The following DNM1 variants were observed in gnomAD, a reference collection of about 807,000 sequenced individuals.
DNM1 encodes dynamin-1.
In DNM1, 29 loss-of-function variants were observed where a neutral mutation model predicts 104.6. The ratio of observed to expected loss-of-function variants is 0.28; its 90% CI spans 0.21 to 0.38. DNM1 has a LOEUF of 0.38. Ranked by LOEUF, DNM1 falls within the 10% of genes least tolerant of loss-of-function variation. The pLI, the probability that DNM1 is intolerant of heterozygous loss-of-function variation, is 1.00. For missense variants in DNM1, 640 were observed against 1,189.4 expected, an observed-to-expected ratio of 0.54 and a Z score of 6.79; for synonymous variants, 445 against 475.8, an observed-to-expected ratio of 0.94 and a Z score of 0.84.
rs748709141 is a variant in DNM1, at chr9:128,247,466, G to A, written c.1873G>A (p.Val625Met). The change falls in exon 17 of 22, where the codon GTG (valine) becomes ATG (methionine). Residue 625 changes from valine to methionine, a missense_variant. Val to Met is a conservative substitution (Grantham distance 21). Transcript: ENST00000372923. This position sits in a 1 kb window ranked among gnomAD's most constrained non-coding sequence, Gnocchi z 5.1. ...GAAGGCCTCCTTCCTGAGGGCTGGC[G>A]TGTACCCTGAGCGTGTTGGGGTGAG... ...SWKASFLRAG[V>M]YPERVGDKEK... The A allele has an allele frequency of 3.7e-6, 6 of 1,613,130 alleles. No individual in the cohort carries two copies. Among genetic ancestry groups the A allele is most frequent in the African/African-American group, 2.7e-5 (2 of 74,908 alleles).
rs1340759536 is a variant in DNM1, at chr9:128,224,712, G to A, written c.1335+323G>A. Among the ~76,000 whole-genome samples the A allele has an allele frequency of 2.0e-5, 3 of 150,874 alleles. No individual in the cohort carries two copies. The highest frequency in any genetic ancestry group is 7.3e-5 in the African/African-American group (3 of 40,850). ...GACCCTGAGCCCCCTCCCTGTCCTC[G>A]GAGGTGTCATCTTTGGGAGCTCCAG... On this transcript the variant is annotated intron_variant, in intron 10 of 21. Coordinates refer to ENST00000372923, the MANE Select transcript of DNM1 (RefSeq NM_004408.4). This position sits in a 1 kb window ranked among gnomAD's most constrained non-coding sequence, Gnocchi z 4.3.
intron 15 of DNM1, 114 bp downstream of exon 15, chr9:128,242,459 C>A (rs1050755315): frequency 4.8e-6 from 3 of 619,996 alleles, no homozygotes; most frequent in Non-Finnish European, 8.6e-6. Context: ...TAAAATGTCT[C>A]GTCAAAGATC....
chr9:128,249,312 C>T (rs551082605), intron 19 of DNM1, among the ~76,000 whole-genome samples: 2 of 152,048 alleles, frequency 1.3e-5, no homozygotes, highest in Non-Finnish European at 2.9e-5. Flanking sequence ...GAGTTCAAGA[C>T]CAGCTTGGGC....
chr9:128,211,074 C>A (rs753000081), intron 1 of DNM1, among the ~76,000 whole-genome samples: 1 of 152,230 alleles, frequency 6.6e-6, no homozygotes, highest in South Asian at 2.1e-4. Context: ...AACTGCCTGC[C>A]GGCTCCCCCA....
chr9:128,254,381 C>A lies in DNM1; in HGVS notation c.2535-273C>A. ...AATTGCGGGTGCCCTGCCTGGGTGC[C>A]GTGTGAGAGGCCAGCGTGTGTGGGG... On this transcript the variant is annotated intron_variant, in intron 21 of 21. Coordinates refer to ENST00000372923, the MANE Select transcript of DNM1 (RefSeq NM_004408.4). This position sits in a 1 kb window ranked among gnomAD's most constrained non-coding sequence, Gnocchi z 6.1. The A allele has an allele frequency of 7.1e-7, 1 of 1,409,044 alleles. No individual in the cohort carries two copies. The highest frequency in any genetic ancestry group is 9.2e-7 in the Non-Finnish European group (1 of 1,089,828). The allele number at this position is 1,409,044 out of a possible 1,614,324, so 87.3% of individuals were successfully genotyped here.
chr9:128,238,996 C>T (rs919210999), intron 11 of DNM1, among the ~76,000 whole-genome samples: 11 of 151,546 alleles, frequency 7.3e-5, no homozygotes, highest in Admixed American at 4.0e-4. Context: ...CTCCTCTCCT[C>T]TCCTCTCCTC....
At chr9:128,214,445 G>T (rs1834486675) in intron 1 of DNM1, among the ~76,000 whole-genome samples, 1 of 152,162 alleles carries the variant, frequency 6.6e-6, no homozygotes, top group Non-Finnish European at 1.5e-5. Flanking sequence ...AGAATGACCG[G>T]CACTGGGTGC....
Position 128,203,585 on chromosome 9 carries a change from G to T in DNM1, c.115G>T (p.Gly39Cys). 6.4e-7 allele frequency: 1 copy of T among 1,551,836 alleles called. No homozygotes were observed. Among genetic ancestry groups the T allele is most frequent in the Non-Finnish European group, 8.7e-7 (1 of 1,153,096 alleles). ...LDLPQIAVVG[G>C]QSAGKSSVLE... ...CCTGCCGCAGATCGCTGTGGTGGGC[G>T]GCCAGAGCGCCGGCAAGAGCTCGGT... The change falls in exon 1 of 22, where the codon GGC becomes TGC. Residue 39 changes from glycine to cysteine, a missense_variant. Around this residue, in one of 7 missense-constraint regions of DNM1, gnomAD observed 172 missense variants for 335.3 expected, o/e 0.51. Coordinates refer to ENST00000372923, the MANE Select transcript of DNM1 (RefSeq NM_004408.4). This position sits in a 1 kb window ranked among gnomAD's most constrained non-coding sequence, Gnocchi z 5.3.
At position 128,254,561 on chromosome 9, in the gene DNM1, G is replaced by GCGGC; in HGVS notation, c.2535-87_2535-84dup. On this transcript the variant is annotated intron_variant, in intron 21 of 21. Coordinates refer to ENST00000372923, the MANE Select transcript of DNM1 (RefSeq NM_004408.4). The surrounding 1 kb of genome is among the most constrained non-coding windows in gnomAD (Gnocchi z 6.1). ...CCGGCCCTCCCACCACTGCTGCGGC[G>GCGGC]CGGCCGGCCCCGGCCGTGTGCTGCG... 1 of 1,566,754 alleles carries GCGGC rather than the reference G, an allele frequency of 6.4e-7. No homozygotes were observed. The highest frequency in any genetic ancestry group is 8.6e-7 in the Non-Finnish European group (1 of 1,162,304).
intron 1 of DNM1, among the ~76,000 whole-genome samples, chr9:128,212,313 G>T (rs1834348326): frequency 6.6e-6 from 1 of 152,196 alleles, no homozygotes; most frequent in African/African-American, 2.4e-5. Context: ...CTGGTGATAA[G>T]AAATAAGGAT....
At position 128,240,013 on chromosome 9, in the gene DNM1, G is replaced by A; in HGVS notation, c.1557+17G>A. On this transcript the variant is annotated intron_variant, in intron 14 of 21. Coordinates refer to ENST00000372923, the MANE Select transcript of DNM1 (RefSeq NM_004408.4). The surrounding 1 kb of genome is among the most constrained non-coding windows in gnomAD (Gnocchi z 5.1). ...GAGATTCTGGTGAGTACCAGGACTG[G>A]GGCTCTCGGCTTGTGTAGTGAGGGG... 6.2e-7 allele frequency: 1 copy of A among 1,614,086 alleles called. No homozygotes were observed.
At chr9:128,235,030 T>C (rs1835926398) in intron 11 of DNM1, 1 of 151,616 alleles carries the variant, frequency 6.6e-6, no homozygotes, top group Admixed American at 6.6e-5. Context: ...TGATCTCAAG[T>C]GATCCACCCG....
chr9:128,222,748 A>G lies in DNM1; in HGVS notation c.1129-45A>G, dbSNP rs781682164. ...TGGGCCCTGTCTTGACCTCCCAGGT[A>G]GTAGGACAGGCCCTGACCAGGCTTT... On this transcript the variant is annotated intron_variant, in intron 8 of 21. Transcript: ENST00000372923. The surrounding 1 kb of genome is among the most constrained non-coding windows in gnomAD (Gnocchi z 7.8). The G allele has an allele frequency of 2.5e-6, 4 of 1,610,470 alleles. No homozygotes were observed. The highest frequency in any genetic ancestry group is 3.4e-6 in the Non-Finnish European group (4 of 1,176,876).
intron 10 of DNM1, among the ~76,000 whole-genome samples, chr9:128,230,347 A>G (rs1176562438): frequency 2.0e-5 from 3 of 151,164 alleles, no homozygotes; most frequent in Non-Finnish European, 2.9e-5. Flanking sequence ...AAAAAATAAT[A>G]TATGTGAATG....
rs1834868785 is a variant in DNM1 at position 128,220,379 on chromosome 9, G to A, written c.849+38G>A. On this transcript the variant is annotated intron_variant, in intron 6 of 21. Coordinates refer to ENST00000372923, the MANE Select transcript of DNM1 (RefSeq NM_004408.4). The surrounding 1 kb of genome is among the most constrained non-coding windows in gnomAD (Gnocchi z 5.2). ...GCCAGGATGGGGCCTGGGGAAACAAGCATGAAAACAGGATAAATTAAGTGT... is the reference window on the plus strand; with the variant it reads ...GCCAGGATGGGGCCTGGGGAAACAAACATGAAAACAGGATAAATTAAGTGT... 6.2e-7 allele frequency: 1 copy of A among 1,606,634 alleles called. No homozygotes were observed. Among genetic ancestry groups the A allele is most frequent in the Non-Finnish European group, 8.5e-7 (1 of 1,177,708 alleles).
At chr9:128,216,642 TCC>T (rs997439812) in intron 1 of DNM1, among the ~76,000 whole-genome samples, 5 of 152,146 alleles carry the variant, frequency 3.3e-5, no homozygotes, top group South Asian at 2.1e-4. Context: ...AGCGTCCACT[TCC>T]CCAGACGTGA....
intron 16 of DNM1, among the ~76,000 whole-genome samples, chr9:128,246,767 C>T (rs1015105203): frequency 4.7e-5 from 7 of 149,826 alleles, no homozygotes; most frequent in Non-Finnish European, 7.4e-5. Context: ...TTCCTCCCTC[C>T]CTCCCTTCCT....
chr9:128,229,503 G>A (rs1184614747), intron 10 of DNM1, among the ~76,000 whole-genome samples: 1 of 151,282 alleles, frequency 6.6e-6, no homozygotes, highest in Non-Finnish European at 1.5e-5. Flanking sequence ...TGGCTGATGT[G>A]GGAGGACTGC....
chr9:128,206,799 ATGAGGAG>A (rs1833997128), intron 1 of DNM1, among the ~76,000 whole-genome samples: 1 of 152,236 alleles, frequency 6.6e-6, no homozygotes, highest in East Asian at 1.9e-4. Flanking sequence ...CCCTTAGGCC[ATGAGGAG>A]TGAGGAGTTT....
Sources: gnomAD v4.1 joint callset for allele counts (sites outside exome capture counted in the v4.1 genomes callset) on GRCh38, gnomAD v4.1.1 for gene constraint, gnomAD v4.1.1 regional missense constraint, Gnocchi (gnomAD v3.1) non-coding constraint, MANE v1.5 for transcripts, NCBI Gene and HGNC (gene_info 2026-07-23, HGNC 2026-07-21) for gene names.